Variants in DCDC1 observed in about 807,000 individuals in gnomAD.
The protein encoded by DCDC1 is doublecortin domain containing 1.
Under a neutral mutation model 178.3 loss-of-function variants are expected in DCDC1, and 200 were observed. The ratio of observed to expected loss-of-function variants is 1.12; its 90% confidence interval spans 1.00 to 1.26. The LOEUF (loss-of-function observed/expected upper bound fraction) is 1.26, where lower values mean the gene tolerates loss of function less well. DCDC1 is among the 50% of genes most tolerant of loss of function. The pLI is 0.00. For synonymous variants in DCDC1, 690 were observed against 604.8 expected (o/e 1.14, Z -2.07); for missense variants, 1,983 against 1,749.2 (o/e 1.13, Z -2.38).
At chr11:31,085,498 T>C (rs971304539) in intron 17 of DCDC1, among the ~76,000 whole-genome samples, 3 of 152,164 alleles carry the variant, frequency 2.0e-5, no homozygotes, top group African/African-American at 7.2e-5. Flanking sequence ...AATATGTACT[T>C]TTTTTGTTTT....
In DCDC1 at chr11:30,973,468, C is replaced by A. The variant is rs537592649; in HGVS notation, c.2592-20900G>T. ...GGACTAATTAAACCTCTTTTCTTTA[C>A]AGCAATGCGAGAACACATTAATACA... On this transcript the variant is annotated intron_variant, in intron 20 of 38. Transcript: ENST00000684477. 1.0e-3 allele frequency among the ~76,000 whole-genome samples: 152 copies of A among 152,114 alleles called. 2 individuals are homozygous for A. Among genetic ancestry groups the A allele is most frequent in the African/African-American group, 3.4e-3 (140 of 41,482 alleles).
chr11:31,142,274 C>T (rs952693011), intron 9 of DCDC1, among the ~76,000 whole-genome samples: 5 of 152,110 alleles, frequency 3.3e-5, no homozygotes, highest in Non-Finnish European at 7.3e-5. Flanking sequence ...GAGTCTGTAC[C>T]CTTTCAAATT....
chr11:31,271,429 T>A (rs1007097791), intron 7 of DCDC1, among the ~76,000 whole-genome samples: 1 of 152,178 alleles, frequency 6.6e-6, no homozygotes, highest in Non-Finnish European at 1.5e-5. Context: ...GAAAATTAAA[T>A]CTCCCCATAC....
intron 9 of DCDC1, among the ~76,000 whole-genome samples, chr11:31,180,886 G>A (rs1256737253): frequency 6.6e-6 from 1 of 151,938 alleles, no homozygotes; most frequent in Admixed American, 6.6e-5. Context: ...CCCTGGAAAG[G>A]GAACTGAAGC....
rs1352927806 is a variant in DCDC1 at position 31,259,906 on chromosome 11, TA to T, written c.1054+5600del. Among the ~76,000 whole-genome samples, 5 of 152,312 alleles carry T rather than the reference TA, an allele frequency of 3.3e-5. No individual in the cohort carries two copies. The South Asian group carries it at 1.0e-3, about 32-fold the overall frequency. On this transcript the variant is annotated intron_variant, in intron 8 of 38. Transcript: ENST00000684477. The stretch of plus-strand genomic sequence containing the variant: ...ATGTGGGTCTGAATTATGCCAAACA[TA>T]GGGTCCTGGAAACATCATTTTGCAT...
chr11:30,981,610 G>A (rs1950398121), intron 20 of DCDC1, among the ~76,000 whole-genome samples: 2 of 152,128 alleles, frequency 1.3e-5, no homozygotes, highest in African/African-American at 2.4e-5. Flanking sequence ...TAACTACAAA[G>A]CCAGTAGATT....
At chr11:31,106,731 A>T (rs563854907) in intron 13 of DCDC1, 66 bp downstream of exon 13, 42 of 736,302 alleles carry the variant, frequency 5.7e-5, no homozygotes, top group Non-Finnish European at 9.7e-5. Flanking sequence ...TGACTTCTCA[A>T]ATCCGCTTTC....
At chr11:30,955,772 C>T (rs1420481152) in intron 20 of DCDC1, among the ~76,000 whole-genome samples, 1 of 152,176 alleles carries the variant, frequency 6.6e-6, no homozygotes, top group African/African-American at 2.4e-5. Flanking sequence ...CATGGTCCAG[C>T]GTCATAGCCA....
At chr11:31,236,086 C>T (rs985867651) in intron 9 of DCDC1, among the ~76,000 whole-genome samples, 3 of 151,922 alleles carry the variant, frequency 2.0e-5, no homozygotes, top group African/African-American at 2.4e-5. Flanking sequence ...TTTCTCCTGA[C>T]CTAAACAGCT....
At chr11:31,281,619 A>C (rs7119418) in intron 7 of DCDC1, among the ~76,000 whole-genome samples, 39,946 of 151,980 alleles carry the variant, frequency 0.26, 5,405 homozygotes, top group African/African-American at 0.32. Context: ...GTCATCTTGA[A>C]TTGTACTCCC....
In DCDC1 at chr11:30,915,637, C is replaced by T; in HGVS notation, c.3527G>A (p.Ser1176Asn). ...CAAGACTAGCTGAGGAGCAGCATGG[C>T]TTATAATCTGCCCATCTCTGTATTC... is the stretch of plus-strand genomic sequence containing the variant. ...QFEYRDGQIISHAAPQLVLGV... is the reference protein window; with the variant it reads ...QFEYRDGQIINHAAPQLVLGV... The change falls in exon 27 of 39, where the codon AGC becomes AAC. Residue 1176 changes from serine (S) to asparagine (N), a missense_variant. Physicochemically the swap from Ser to Asn is conservative, Grantham distance 46. Transcript: ENST00000684477. 6.2e-7 allele frequency: 1 copy of T among 1,613,966 alleles called. No homozygotes were observed. Among genetic ancestry groups the T allele is most frequent in the Non-Finnish European group, 8.5e-7 (1 of 1,179,866 alleles).
intron 21 of DCDC1, among the ~76,000 whole-genome samples, chr11:30,937,821 G>A (rs1233577464): frequency 1.3e-5 from 2 of 152,090 alleles, no homozygotes; most frequent in Non-Finnish European, 2.9e-5. Flanking sequence ...CAGCCTCTCA[G>A]GAAAACAACA....
At position 31,114,085 on chromosome 11, in the gene DCDC1, A is replaced by G. The variant is rs76932198; in HGVS notation, c.1486-3724T>C. ...AGCTATCTTCCTGGAAGCTCTTTCC[A>G]TACCAAAATGGCTAGTACTAACTGA... On this transcript the variant is annotated intron_variant, in intron 11 of 38. Coordinates refer to ENST00000684477, the MANE Select transcript of DCDC1 (RefSeq NM_001387274.1). 4.9e-3 allele frequency among the ~76,000 whole-genome samples: 746 copies of G among 152,274 alleles called. 11 individuals are homozygous for G. Among genetic ancestry groups the G allele is most frequent in the Middle Eastern group, 6.8e-3 (2 of 294 alleles).
At chr11:31,341,262 A>T (rs1021027231) in intron 1 of DCDC1, among the ~76,000 whole-genome samples, 1 of 152,216 alleles carries the variant, frequency 6.6e-6, no homozygotes, top group Non-Finnish European at 1.5e-5. Flanking sequence ...TGCCCACTGC[A>T]GTGAAGCATT....
chr11:30,949,869 G>A (rs2134462925), intron 21 of DCDC1, among the ~76,000 whole-genome samples: 1 of 152,158 alleles, frequency 6.6e-6, no homozygotes, highest in South Asian at 2.1e-4. Context: ...GTGGGGGCTA[G>A]GGGAGGAATA....
intron 8 of DCDC1, among the ~76,000 whole-genome samples, chr11:31,254,548 T>A (rs1441753459): frequency 6.6e-6 from 1 of 152,222 alleles, no homozygotes; most frequent in Non-Finnish European, 1.5e-5. Context: ...GCTTACTATA[T>A]TTGGTACATA....
chr11:31,250,609 T>G (rs12360716), intron 8 of DCDC1, among the ~76,000 whole-genome samples: 34,786 of 149,468 alleles, frequency 0.23, 4,147 homozygotes, highest in East Asian at 0.29. Flanking sequence ...ATTGCAGAAT[T>G]CCACATTTGG....
chr11:31,228,940 G>C (rs1040763337), intron 9 of DCDC1, among the ~76,000 whole-genome samples: 1 of 151,966 alleles, frequency 6.6e-6, no homozygotes, highest in Non-Finnish European at 1.5e-5. Context: ...ACTACTTATT[G>C]AGTAGTATGC....
intron 20 of DCDC1, among the ~76,000 whole-genome samples, chr11:31,010,027 G>T (rs140355914): frequency 6.6e-6 from 1 of 152,202 alleles, no homozygotes; most frequent in Non-Finnish European, 1.5e-5. Context: ...TGCCCAACAT[G>T]TGAGGATTAT....
Sources: gnomAD v4.1 joint callset for allele counts (sites outside exome capture counted in the v4.1 genomes callset) on GRCh38, gnomAD v4.1.1 for gene constraint, MANE v1.5 for transcripts, NCBI Gene and HGNC (gene_info 2026-07-23, HGNC 2026-07-21) for gene names.